EPHA3: variants seen among roughly 807,000 people sequenced by gnomAD.
EPHA3 encodes the protein EPH receptor A3, also known as ephrin type-A receptor 3.
A neutral mutation model predicts 107.1 loss-of-function variants in EPHA3; 42 were observed. The observed-to-expected ratio is 0.39, with a 90% confidence interval of 0.31 to 0.51. EPHA3 has a LOEUF of 0.51. EPHA3 is among the 20% of genes least tolerant of loss of function. The pLI is 0.78. For missense variants in EPHA3, 1,183 were observed against 1,211.2 expected, an observed-to-expected ratio of 0.98 and a Z score of 0.35; for synonymous variants, 461 against 424.8, an observed-to-expected ratio of 1.09 and a Z score of -1.05.
intron 3 of EPHA3, among the ~76,000 whole-genome samples, chr3:89,296,316 T>A (rs1314894250): frequency 1.3e-5 from 2 of 152,230 alleles, no homozygotes; most frequent in African/African-American, 4.8e-5. Context: ...CAAAATATAT[T>A]TCTTAGACAA....
intron 2 of EPHA3, among the ~76,000 whole-genome samples, chr3:89,208,483 A>G (rs866429649): frequency 1.4e-5 from 2 of 142,582 alleles, no homozygotes; most frequent in African/African-American, 2.7e-5. Flanking sequence ...AGAAAGAAAG[A>G]GAAAAAGAAA....
intron 3 of EPHA3, among the ~76,000 whole-genome samples, chr3:89,220,156 T>G (rs1359062503): frequency 6.6e-6 from 1 of 152,092 alleles, no homozygotes; most frequent in East Asian, 1.9e-4. Flanking sequence ...AAATATGTAG[T>G]GGAAGGGTTG....
chr3:89,347,994 A>T (rs981331335), intron 5 of EPHA3, among the ~76,000 whole-genome samples: 150 of 150,782 alleles, frequency 9.9e-4, no homozygotes, highest in African/African-American at 3.4e-3. Context: ...AAGCTTTTTG[A>T]TGTGCTGCTG....
chr3:89,409,706 G>T (rs567105016), intron 9 of EPHA3, among the ~76,000 whole-genome samples: 6 of 152,134 alleles, frequency 3.9e-5, no homozygotes, highest in Admixed American at 2.6e-4. Context: ...ACTACAGCTG[G>T]TTTATTTCAG....
intron 5 of EPHA3, among the ~76,000 whole-genome samples, chr3:89,394,677 C>T (rs1382738773): frequency 6.6e-6 from 1 of 152,174 alleles, no homozygotes; most frequent in East Asian, 1.9e-4. Flanking sequence ...ATCATAGAAA[C>T]ATCAACAAAT....
At chr3:89,291,028 G>A (rs1016189146) in intron 3 of EPHA3, among the ~76,000 whole-genome samples, 16 of 152,186 alleles carry the variant, frequency 1.1e-4, no homozygotes, top group African/African-American at 2.9e-4. Flanking sequence ...GACTGGATTG[G>A]TGCCATTTTT....
At chr3:89,338,817 A>C (rs1275352627) in intron 3 of EPHA3, among the ~76,000 whole-genome samples, 1 of 152,186 alleles carries the variant, frequency 6.6e-6, no homozygotes, top group Non-Finnish European at 1.5e-5. Context: ...ACAGGTATTC[A>C]CTAAACACTC....
chr3:89,210,910 G>A (rs1433192890), intron 3 of EPHA3, among the ~76,000 whole-genome samples: 2 of 152,126 alleles, frequency 1.3e-5, no homozygotes, highest in Admixed American at 1.3e-4. Flanking sequence ...TAGATACTGT[G>A]GTGGTTATTT....
At chr3:89,429,072 A>T in intron 11 of EPHA3, 34 bp from the exon 12 acceptor site, 1 of 1,421,618 alleles carries the variant, frequency 7.0e-7, no homozygotes, top group Non-Finnish European at 9.9e-7. Context: ...CTTGAACTGT[A>T]CTGATTATTA....
At chr3:89,214,993 T>C (rs572098146) in intron 3 of EPHA3, among the ~76,000 whole-genome samples, 1 of 151,976 alleles carries the variant, frequency 6.6e-6, no homozygotes, top group Non-Finnish European at 1.5e-5. Flanking sequence ...AAAAGACGAG[T>C]TTAGTTAGTT....
intron 16 of EPHA3, among the ~76,000 whole-genome samples, chr3:89,476,125 A>ATATATAT (rs900568693): frequency 2.0e-5 from 3 of 147,572 alleles, no homozygotes; most frequent in African/African-American, 7.4e-5. Context: ...ATATATAAAA[A>ATATATAT]TATATATTAT....
chr3:89,268,368 A>G (rs1247457695), intron 3 of EPHA3, among the ~76,000 whole-genome samples: 1 of 152,148 alleles, frequency 6.6e-6, no homozygotes, highest in Non-Finnish European at 1.5e-5. Context: ...ATGTCTGTTC[A>G]TGTGGCTAAT....
At chr3:89,405,673 T>C (rs1229910790) in intron 7 of EPHA3, among the ~76,000 whole-genome samples, 1 of 152,170 alleles carries the variant, frequency 6.6e-6, no homozygotes, top group Non-Finnish European at 1.5e-5. Context: ...AGGCTGAAGA[T>C]GATATGTTGG....
At chr3:89,340,793 T>A (rs1309680224) in intron 3 of EPHA3, 123 bp from the exon 4 acceptor site, 1 of 1,026,282 alleles carries the variant, frequency 9.7e-7, no homozygotes, top group East Asian at 3.1e-5. Flanking sequence ...TTCTGTAAAT[T>A]CTTGGAGGAA....
At chr3:89,442,143 GA>G (rs1450083138) in intron 13 of EPHA3, among the ~76,000 whole-genome samples, 3 of 151,048 alleles carry the variant, frequency 2.0e-5, no homozygotes, top group Non-Finnish European at 3.0e-5. Flanking sequence ...TCCTAAAAAA[GA>G]AAAAGAAAAG....
intron 14 of EPHA3, 136 bp downstream of exon 14, chr3:89,449,510 C>T: frequency 1.5e-6 from 1 of 687,172 alleles, no homozygotes; most frequent in Non-Finnish European, 2.2e-6. Flanking sequence ...GAAACTGTTT[C>T]CAAGTCTTGC....
chr3:89,314,854 T>C (rs1706856644), intron 3 of EPHA3, among the ~76,000 whole-genome samples: 1 of 151,968 alleles, frequency 6.6e-6, no homozygotes, highest in South Asian at 2.1e-4. Flanking sequence ...GAGTACATTC[T>C]AAGAAATGCA....
At chr3:89,320,841 G>A (rs1006891751) in intron 3 of EPHA3, among the ~76,000 whole-genome samples, 1 of 151,980 alleles carries the variant, frequency 6.6e-6, no homozygotes, top group Non-Finnish European at 1.5e-5. Flanking sequence ...AGTATGTAAT[G>A]ATCTATCTCT....
intron 15 of EPHA3, among the ~76,000 whole-genome samples, chr3:89,470,199 C>T (rs1710371869): frequency 6.6e-6 from 1 of 151,998 alleles, no homozygotes. Context: ...AAGTTACTGA[C>T]TATTCTAATG....
Sources: gnomAD v4.1 joint callset for allele counts (sites outside exome capture counted in the v4.1 genomes callset) on GRCh38, gnomAD v4.1.1 for gene constraint, MANE v1.5 for transcripts, NCBI Gene and HGNC (gene_info 2026-07-23, HGNC 2026-07-21) for gene names.